SSH2: variants seen among roughly 807,000 people sequenced by gnomAD.
SSH2 encodes the protein protein phosphatase Slingshot homolog 2.
A neutral mutation model predicts 135.2 loss-of-function variants in SSH2; 37 were observed. The observed-to-expected ratio is 0.27, with a 90% CI of 0.21 to 0.36. SSH2 has a LOEUF of 0.36. Among genes scored for constraint, SSH2 ranks in the 10% least tolerant of loss-of-function variants. The probability of loss-of-function intolerance (pLI) is 1.00; values close to 1 mark genes in which losing one functional copy is unlikely to be tolerated. For missense variants in SSH2, 1,408 were observed against 1,765.3 expected (o/e 0.80, Z 3.63); for synonymous variants, 628 against 646.2 (o/e 0.97, Z 0.43).
At position 29,650,794 on chromosome 17, in the gene SSH2, C is replaced by T. The variant is rs374812097; in HGVS notation, c.1086G>A (p.Arg362=). The change falls in exon 13 of 16, where the codon CGG becomes CGA. Residue 362 remains arginine, a synonymous_variant. Transcript: ENST00000540801. ...NLEDLQNRGV[R]YILNVTREID... is the part of the protein sequence containing the mutation. ...TCTCTCGAGTGACATTCAAGATATA[C>T]CGTACCCTGCAAGGAAACCAAGGGA... The T allele has an allele frequency of 4.4e-6, 7 of 1,604,364 alleles. No homozygotes were observed. The highest frequency in any genetic ancestry group is 2.3e-5 in the East Asian group (1 of 44,206).
At chr17:29,794,692 T>G (rs2042127889) in intron 2 of SSH2, among the ~76,000 whole-genome samples, 1 of 152,154 alleles carries the variant, frequency 6.6e-6, no homozygotes. Flanking sequence ...GTCTTATAAC[T>G]TATGTCAATT....
chr17:29,772,665 A>C (rs1278854720), intron 3 of SSH2, among the ~76,000 whole-genome samples: 3 of 152,050 alleles, frequency 2.0e-5, no homozygotes, highest in Non-Finnish European at 4.4e-5. Context: ...GGTACCAACC[A>C]ATCTACCTGG....
intron 2 of SSH2, among the ~76,000 whole-genome samples, chr17:29,818,411 G>A (rs1484533444): frequency 6.6e-6 from 1 of 151,888 alleles, no homozygotes; most frequent in South Asian, 2.1e-4. Flanking sequence ...ACCAAGCCCG[G>A]CTAATTTTTC....
At chr17:29,744,340 G>A (rs1361514813) in intron 3 of SSH2, among the ~76,000 whole-genome samples, 1 of 152,174 alleles carries the variant, frequency 6.6e-6, no homozygotes, top group Non-Finnish European at 1.5e-5. Flanking sequence ...GGCAGGGCCA[G>A]GCCGAGGGAC....
At position 29,636,404 on chromosome 17, in the gene SSH2, A is replaced by C. The variant is rs1190264404; in HGVS notation, c.1826T>G (p.Val609Gly). The change falls in exon 15 of 16, where the codon GTC becomes GGC. Residue 609 changes from valine (V) to glycine (G), a missense_variant. By Grantham distance (109) the Val-to-Gly change is moderately radical. Coordinates refer to ENST00000540801, the MANE Select transcript of SSH2 (RefSeq NM_001282129.2). ...ASKALIQPGH[V>G]PEMANKFPDL... Reference sequence around the variant, plus strand: ...TGGAAACTTGTTGGCCATTTCTGGGACATGTCCAGGCTGAATTAAGGCTTT... The same window carrying C: ...TGGAAACTTGTTGGCCATTTCTGGGCCATGTCCAGGCTGAATTAAGGCTTT... 2 of 1,614,098 alleles carry C rather than the reference A, an allele frequency of 1.2e-6. No homozygotes were observed. The highest frequency in any genetic ancestry group is 2.7e-5 in the African/African-American group (2 of 74,916).
chr17:29,697,020 A>G, intron 4 of SSH2, among the ~76,000 whole-genome samples: 1 of 152,060 alleles, frequency 6.6e-6, no homozygotes, highest in Admixed American at 6.6e-5. Context: ...CATAAGGGAT[A>G]TATATTCTCC....
intron 6 of SSH2, among the ~76,000 whole-genome samples, chr17:29,683,549 G>A (rs540498510): frequency 2.6e-5 from 4 of 151,740 alleles, no homozygotes; most frequent in South Asian, 4.2e-4. Context: ...TGTAGTTTAA[G>A]TGGGATCTCT....
chr17:29,677,026 C>A, intron 7 of SSH2, 141 bp from the exon 8 acceptor site: 1 of 682,334 alleles, frequency 1.5e-6, no homozygotes, highest in Non-Finnish European at 2.5e-6. Context: ...GAAGTTTTAA[C>A]TAGAGTGTAA....
chr17:29,801,397 T>C (rs2042248602), intron 2 of SSH2, among the ~76,000 whole-genome samples: 1 of 152,142 alleles, frequency 6.6e-6, no homozygotes, highest in Non-Finnish European at 1.5e-5. Context: ...ACACTTTCTA[T>C]TTGCTCCAAT....
chr17:29,636,967 C>T (rs1368833571), intron 14 of SSH2, among the ~76,000 whole-genome samples, 165 bp from the exon 15 acceptor site: 1 of 152,080 alleles, frequency 6.6e-6, no homozygotes, highest in African/African-American at 2.4e-5. Flanking sequence ...TAGCAAAAAA[C>T]AAAGCAAAAC....
Position 29,921,595 on chromosome 17 carries a change from A to G in SSH2, c.63+8343T>C, listed in dbSNP as rs570478315. Among the ~76,000 whole-genome samples, 3 of 151,550 alleles carry G rather than the reference A, an allele frequency of 2.0e-5. No homozygotes were observed. The East Asian group carries it at 5.8e-4, about 29-fold the overall frequency. The stretch of plus-strand genomic sequence containing the variant: ...ATGTGTCAAATACTTTTTTTTTTTA[A>G]GAGGGAGTTTCATTCTTATTGCCCA... On this transcript the variant is annotated intron_variant, in intron 1 of 15. Coordinates refer to ENST00000540801, the MANE Select transcript of SSH2 (RefSeq NM_001282129.2).
chr17:29,783,273 TTTATATA>T lies in SSH2; in HGVS notation c.188+10614_188+10620del, dbSNP rs987095438. ...ACTTTATATAAATATAATATTTATA[TTTATATA>T]TTATATATATAATATTTATATAGTT... On this transcript the variant is annotated intron_variant, in intron 3 of 15. Transcript: ENST00000540801. Among the ~76,000 whole-genome samples, 422 of 142,110 alleles carry T rather than the reference TTTATATA, an allele frequency of 3.0e-3. 2 individuals are homozygous for T. The highest frequency in any genetic ancestry group is 5.3e-3 in the Non-Finnish European group (348 of 65,074). The allele number at this position is 142,110 out of a possible 152,430, so 93.2% of individuals were successfully genotyped here. A position where few individuals can be genotyped will look rare whatever the true frequency, so the allele number is the denominator to read the frequency against.
intron 1 of SSH2, among the ~76,000 whole-genome samples, chr17:29,859,683 C>T (rs2065726905): frequency 6.6e-6 from 1 of 152,110 alleles, no homozygotes. Flanking sequence ...TTTCTTTATC[C>T]AGTCTATCAT....
chr17:29,678,824 C>T (rs1323458546), intron 6 of SSH2, among the ~76,000 whole-genome samples: 1 of 140,202 alleles, frequency 7.1e-6, no homozygotes, highest in Non-Finnish European at 1.5e-5. Flanking sequence ...AAGTGATTTT[C>T]CTGCCTCAGC....
At chr17:29,670,092 G>A (rs1046610895) in intron 9 of SSH2, among the ~76,000 whole-genome samples, 28 of 152,062 alleles carry the variant, frequency 1.8e-4, no homozygotes, top group Middle Eastern at 3.4e-3. Context: ...ATGTTGGCCA[G>A]GCTGGTCTCG....
chr17:29,897,295 C>T lies in SSH2; in HGVS notation c.63+32643G>A, dbSNP rs542509211. ...TACACATAACAACATTAACCTTAAA[C>T]GTAAATGGCCTAAATGCTCCAATTA... On this transcript the variant is annotated intron_variant, in intron 1 of 15. Coordinates refer to ENST00000540801, the MANE Select transcript of SSH2 (RefSeq NM_001282129.2). 1.2e-4 allele frequency among the ~76,000 whole-genome samples: 18 copies of T among 151,986 alleles called. No homozygotes were observed. The South Asian group carries it at 2.9e-3, about 25-fold the overall frequency.
chr17:29,665,024 G>A (rs940441433), intron 11 of SSH2, among the ~76,000 whole-genome samples: 4 of 152,146 alleles, frequency 2.6e-5, no homozygotes, highest in African/African-American at 9.7e-5. Context: ...CAAGTTTGCA[G>A]CTTCAGTCAC....
chr17:29,725,306 C>G (rs1669115579), intron 3 of SSH2, among the ~76,000 whole-genome samples: 1 of 117,820 alleles, frequency 8.5e-6, no homozygotes, highest in Non-Finnish European at 1.6e-5. Context: ...AAGATTGCAC[C>G]ACTGCACTCC....
At chr17:29,743,136 T>C (rs2151211829) in intron 3 of SSH2, among the ~76,000 whole-genome samples, 1 of 152,202 alleles carries the variant, frequency 6.6e-6, no homozygotes, top group Non-Finnish European at 1.5e-5. Flanking sequence ...TTTACTATGT[T>C]GGCCAAGATG....
Sources: gnomAD v4.1 joint callset for allele counts (sites outside exome capture counted in the v4.1 genomes callset) on GRCh38, gnomAD v4.1.1 for gene constraint, MANE v1.5 for transcripts, NCBI Gene and HGNC (gene_info 2026-07-23, HGNC 2026-07-21) for gene names.